PTPRS: variants seen among roughly 807,000 people sequenced by gnomAD.
The protein encoded by PTPRS is receptor-type tyrosine-protein phosphatase S.
A neutral mutation model predicts 215.3 loss-of-function variants in PTPRS; 63 were observed. The observed-to-expected ratio is 0.29, with a 90% CI of 0.24 to 0.36. The LOEUF (loss-of-function observed/expected upper bound fraction) is 0.36, where lower values mean the gene tolerates loss of function less well. Among genes scored for constraint, PTPRS ranks in the 10% least tolerant of loss-of-function variants. The pLI is 1.00. For synonymous variants in PTPRS, 1,404 were observed against 1,191.4 expected, an observed-to-expected ratio of 1.18 and a Z score of -3.68; for missense variants, 2,258 against 2,825.8, an observed-to-expected ratio of 0.80 and a Z score of 4.56.
At chr19:5,276,592 G>GTGCA (rs2047386532) in intron 2 of PTPRS, among the ~76,000 whole-genome samples, 2 of 151,736 alleles carry the variant, frequency 1.3e-5, no homozygotes, top group African/African-American at 4.8e-5. Context: ...CCAGGCTGGA[G>GTGCA]TGCAGTGGTG....
At chr19:5,220,922 GA>G in intron 20 of PTPRS, 77 bp downstream of exon 20, 1 of 1,489,956 alleles carries the variant, frequency 6.7e-7, no homozygotes, top group South Asian at 1.3e-5. Flanking sequence ...GAGGCACAGA[GA>G]GGGCACGTGG....
chr19:5,218,202 T>C (rs533274637), intron 25 of PTPRS, among the ~76,000 whole-genome samples: 2 of 146,310 alleles, frequency 1.4e-5, no homozygotes, highest in African/African-American at 5.0e-5. Flanking sequence ...ATGTTAACTT[T>C]AAAAAAAAAA....
At chr19:5,290,825 T>C (rs1412390854) in intron 1 of PTPRS, among the ~76,000 whole-genome samples, 1 of 151,746 alleles carries the variant, frequency 6.6e-6, no homozygotes, top group Non-Finnish European at 1.5e-5. Flanking sequence ...CCCACAGCTC[T>C]CCCGTGCCAC....
At chr19:5,277,865 G>A in intron 2 of PTPRS, 2 of 911,418 alleles carry the variant, frequency 2.2e-6, no homozygotes, top group South Asian at 1.3e-5. Context: ...ATTGACAACA[G>A]GGTTCGCAGA....
chr19:5,217,903 TA>T (rs1422068424), intron 25 of PTPRS, among the ~76,000 whole-genome samples: 2 of 152,138 alleles, frequency 1.3e-5, no homozygotes, highest in African/African-American at 4.8e-5. Flanking sequence ...CAGGTGACTT[TA>T]ATCTACAGGG....
intron 2 of PTPRS, among the ~76,000 whole-genome samples, chr19:5,275,800 C>T (rs1029728286): frequency 3.3e-5 from 5 of 151,840 alleles, no homozygotes; most frequent in African/African-American, 9.7e-5. Context: ...AGTGAGACTC[C>T]GTCTCAAAAA....
At chr19:5,292,400 T>A (rs140114320) in intron 1 of PTPRS, among the ~76,000 whole-genome samples, 45 of 152,248 alleles carry the variant, frequency 3.0e-4, no homozygotes, top group African/African-American at 9.9e-4. Context: ...AACAGACAGC[T>A]GAGGCCAGCC....
chr19:5,239,072 A>C lies in PTPRS; in HGVS notation c.1705-9T>G. 6.6e-7 allele frequency: 1 copy of C among 1,514,052 alleles called. No individual in the cohort carries two copies. The highest frequency in any genetic ancestry group is 8.9e-7 in the Non-Finnish European group (1 of 1,120,276). 93.8% of individuals were successfully genotyped at this position (1,514,052 alleles called of 1,614,324 possible). A position where few individuals can be genotyped will look rare whatever the true frequency, so the allele number is the denominator to read the frequency against. ...TCGAAGGTCCTTCCCACCTGGGGGC[A>C]GGGCAGAGAAGGACAGAGAGGGATG... is the stretch of plus-strand genomic sequence containing the variant. On this transcript the variant is annotated splice_polypyrimidine_tract_variant and intron_variant, in intron 12 of 37. Coordinates refer to ENST00000262963, the MANE Select transcript of PTPRS (RefSeq NM_002850.4).
Position 5,289,016 on chromosome 19 carries a change from A to G in PTPRS, c.-94-2782T>C, listed in dbSNP as rs568100449. On this transcript the variant is annotated intron_variant, in intron 1 of 37. Transcript: ENST00000262963. ...AGGGACGAGGGGCTACAGTAACAGG[A>G]GCATTTGGGGCATTGGATGATGTAT... Among the ~76,000 whole-genome samples, 24 of 151,144 alleles carry G rather than the reference A, an allele frequency of 1.6e-4. 3 individuals are homozygous for G. The highest frequency in any genetic ancestry group is 6.5e-4 in the Admixed American group (10 of 15,280).
chr19:5,327,558 T>C (rs576237858), intron 1 of PTPRS, among the ~76,000 whole-genome samples: 6 of 152,270 alleles, frequency 3.9e-5, no homozygotes, highest in Admixed American at 3.9e-4. Flanking sequence ...CTTCTCCACC[T>C]GTCTGGCCAG....
chr19:5,230,522 G>T (rs1377637321), intron 14 of PTPRS, among the ~76,000 whole-genome samples: 1 of 152,338 alleles, frequency 6.6e-6, no homozygotes, highest in South Asian at 2.1e-4. Context: ...GCAGGGGTAT[G>T]ATCACAGCTC....
chr19:5,239,295 TACGGAGAGAGACAGAG>T lies in PTPRS; in HGVS notation c.1705-248_1705-233del, dbSNP rs150541984. On this transcript the variant is annotated intron_variant, in intron 12 of 37. Coordinates refer to ENST00000262963, the MANE Select transcript of PTPRS (RefSeq NM_002850.4). ...CAGAGATACAGACAGAAAAAGAGGG[TACGGAGAGAGACAGAG>T]ACGGAGAGAGACAGAGACAGAGAGA... 1.4e-3 allele frequency among the ~76,000 whole-genome samples: 194 copies of T among 136,348 alleles called. 2 individuals are homozygous for T. Among genetic ancestry groups the T allele is most frequent in the South Asian group, 0.012 (51 of 4,140 alleles). The allele number at this position is 136,348 out of a possible 152,430, so 89.4% of individuals were successfully genotyped here. A position where few individuals can be genotyped will look rare whatever the true frequency, so the allele number is the denominator to read the frequency against.
chr19:5,306,898 A>G (rs2049514286), intron 1 of PTPRS, among the ~76,000 whole-genome samples: 1 of 152,232 alleles, frequency 6.6e-6, no homozygotes, highest in South Asian at 2.1e-4. Flanking sequence ...CACCACCTCT[A>G]GAAATCTACC....
At chr19:5,234,625 G>A (rs1568439449) in intron 13 of PTPRS, among the ~76,000 whole-genome samples, 1 of 152,188 alleles carries the variant, frequency 6.6e-6, no homozygotes, top group Non-Finnish European at 1.5e-5. Context: ...GCCAGGCACT[G>A]TGCCAAAGGC....
At chr19:5,261,031 C>T (rs879310221) in intron 6 of PTPRS, among the ~76,000 whole-genome samples, 2 of 152,000 alleles carry the variant, frequency 1.3e-5, no homozygotes, top group African/African-American at 2.4e-5. Flanking sequence ...GGTCTGAGGG[C>T]TTGTCAAAGC....
chr19:5,206,249 T>A lies in PTPRS; in HGVS notation c.*525A>T. On this transcript the variant is annotated 3_prime_UTR_variant, in exon 38 of 38. Transcript: ENST00000262963. ...CTGGCGAGTCTTTTGTTTGTTTCTC[T>A]TAAAAAAAAAAATGGAAAAAAAAAT... The A allele has an allele frequency of 9.3e-6, 2 of 215,338 alleles. No homozygotes were observed. 13.3% of individuals were successfully genotyped at this position (215,338 alleles called of 1,614,324 possible). A position where few individuals can be genotyped will look rare whatever the true frequency, so the allele number is the denominator to read the frequency against.
At chr19:5,234,943 CTTTT>C (rs113097365) in intron 13 of PTPRS, among the ~76,000 whole-genome samples, 3 of 137,820 alleles carry the variant, frequency 2.2e-5, no homozygotes, top group Admixed American at 1.5e-4. Flanking sequence ...TTCTTTCTTT[CTTTT>C]TTTTTTTTTT....
chr19:5,236,403 G>A (rs544769064), intron 13 of PTPRS, among the ~76,000 whole-genome samples: 1 of 152,326 alleles, frequency 6.6e-6, no homozygotes, highest in South Asian at 2.1e-4. Context: ...TTTGAGGTTG[G>A]CAGCTCAGAT....
At chr19:5,256,258 CCA>C in intron 8 of PTPRS, 139 bp from the exon 9 acceptor site, 1 of 601,960 alleles carries the variant, frequency 1.7e-6, no homozygotes, top group Non-Finnish European at 2.6e-6. Context: ...TTTCTTTAAA[CCA>C]AAAAAAAAAA....
Sources: gnomAD v4.1 joint callset for allele counts (sites outside exome capture counted in the v4.1 genomes callset) on GRCh38, gnomAD v4.1.1 for gene constraint, MANE v1.5 for transcripts, NCBI Gene and HGNC (gene_info 2026-07-23, HGNC 2026-07-21) for gene names.